The following LUC7L2 variants were observed in gnomAD, a reference collection of about 807,000 sequenced individuals.
LUC7L2 encodes LUC7 like 2, pre-mRNA splicing factor.
A neutral mutation model predicts 52.8 loss-of-function variants in LUC7L2; 25 were observed. The ratio of observed to expected loss-of-function variants is 0.47; its 90% CI spans 0.34 to 0.66. The LOEUF (loss-of-function observed/expected upper bound fraction) is 0.66. LUC7L2 is among the 30% of genes least tolerant of loss of function. The pLI is 0.01. For synonymous variants in LUC7L2, 144 were observed against 160.9 expected (o/e 0.89, Z 0.80); for missense variants, 328 against 497.8 (o/e 0.66, Z 3.25).
chr7:139,392,957 A>G (rs1244234437), intron 2 of LUC7L2, among the ~76,000 whole-genome samples: 1 of 151,708 alleles, frequency 6.6e-6, no homozygotes, highest in Non-Finnish European at 1.5e-5. Flanking sequence ...CCCAGCAACT[A>G]CTTGTTAAAT....
In LUC7L2 at chr7:139,360,321, C is replaced by T. The variant is rs1218798857; in HGVS notation, c.60C>T (p.Asp20=). 2.6e-6 allele frequency: 4 copies of T among 1,565,362 alleles called. No individual in the cohort carries two copies. The highest frequency in any genetic ancestry group is 2.3e-5 in the South Asian group (2 of 85,366). ...ACCAGTTGATGGGCACCTCCCGGGA[C>T]GGTAAGTCTCTGCCAGGGCCCTGGG... ...MLDQLMGTSR[D]GDTTRQRIKF... Residue 20 remains aspartate (D), a splice_region_variant and synonymous_variant, in exon 1 of 10, where the codon GAC becomes GAT. Transcript: ENST00000354926.
chr7:139,413,192 T>G (rs752854339), intron 8 of LUC7L2, among the ~76,000 whole-genome samples: 27 of 152,344 alleles, frequency 1.8e-4, no homozygotes, highest in Middle Eastern at 3.4e-3. Context: ...GTTTGAAACC[T>G]TTCTTTGTAG....
chr7:139,375,109 A>G, intron 1 of LUC7L2: 1 of 984,320 alleles, frequency 1.0e-6, no homozygotes, highest in Non-Finnish European at 1.2e-6. Flanking sequence ...AAGAGGAAAC[A>G]TCCTAATGAG....
chr7:139,388,526 G>C (rs1794303140), intron 2 of LUC7L2, among the ~76,000 whole-genome samples: 1 of 151,852 alleles, frequency 6.6e-6, no homozygotes, highest in African/African-American at 2.4e-5. Context: ...GTGTTCTTGT[G>C]TAATTCGTTA....
At chr7:139,366,628 C>T (rs558391022) in intron 1 of LUC7L2, among the ~76,000 whole-genome samples, 3 of 152,312 alleles carry the variant, frequency 2.0e-5, no homozygotes, top group Admixed American at 6.5e-5. Flanking sequence ...CTTTGGCTTA[C>T]GACAGCAGAG....
chr7:139,400,127 T>C (rs1369481868), intron 3 of LUC7L2, among the ~76,000 whole-genome samples: 1 of 124,596 alleles, frequency 8.0e-6, no homozygotes, highest in African/African-American at 5.0e-5. Flanking sequence ...TTTTTGGTGG[T>C]TTTTGGCCTT....
intron 2 of LUC7L2, among the ~76,000 whole-genome samples, chr7:139,393,105 A>G (rs889230437): frequency 6.6e-6 from 1 of 152,066 alleles, no homozygotes; most frequent in African/African-American, 2.4e-5. Flanking sequence ...CAACTCTACT[A>G]AAAATACAAA....
chr7:139,369,556 C>G (rs1163230310), intron 1 of LUC7L2, among the ~76,000 whole-genome samples: 2 of 152,172 alleles, frequency 1.3e-5, no homozygotes, highest in South Asian at 2.1e-4. Flanking sequence ...TATTCCTGTT[C>G]TCACATTTTC....
chr7:139,396,675 A>C (rs531215881), intron 2 of LUC7L2, among the ~76,000 whole-genome samples: 2 of 152,172 alleles, frequency 1.3e-5, no homozygotes, highest in Admixed American at 6.5e-5. Flanking sequence ...GTGTTAGTAC[A>C]TAGAATGTGT....
At chr7:139,390,102 A>G (rs949507121) in intron 2 of LUC7L2, among the ~76,000 whole-genome samples, 2 of 152,200 alleles carry the variant, frequency 1.3e-5, no homozygotes, top group African/African-American at 2.4e-5. Context: ...GCAGTGAGCT[A>G]TGATTGTGCC....
intron 1 of LUC7L2, chr7:139,345,680 T>C (rs1261381082): frequency 6.2e-7 from 1 of 1,614,174 alleles, no homozygotes; most frequent in Non-Finnish European, 8.5e-7. Flanking sequence ...CCCATCAGCC[T>C]GGAGGGAAGG....
chr7:139,422,994 T>G lies in LUC7L2; in HGVS notation c.*654T>G. ...AAATTTTGAAATCAAACGTCTTGAT[T>G]TTTCTGTTCTGTTGAATTGCTATGT... On this transcript the variant is annotated 3_prime_UTR_variant, in exon 10 of 10. Coordinates refer to ENST00000354926, the MANE Select transcript of LUC7L2 (RefSeq NM_016019.5). 1 of 398,930 alleles carries G rather than the reference T, an allele frequency of 2.5e-6. No individual in the cohort carries two copies. Among genetic ancestry groups the G allele is most frequent in the Non-Finnish European group, 4.4e-6 (1 of 226,052 alleles). 24.7% of individuals were successfully genotyped at this position (398,930 alleles called of 1,614,324 possible). A position where few individuals can be genotyped will look rare whatever the true frequency, so the allele number is the denominator to read the frequency against.
At chr7:139,416,040 AATATAT>A (rs66498771) in intron 8 of LUC7L2, 3,205 of 96,330 alleles carry the variant, frequency 0.033, 134 homozygotes, top group Non-Finnish European at 0.054. Flanking sequence ...TGAGGTATAA[AATATAT>A]ATATATATAT....
At chr7:139,417,998 A>G (rs1446613810) in intron 9 of LUC7L2, among the ~76,000 whole-genome samples, 2 of 152,178 alleles carry the variant, frequency 1.3e-5, no homozygotes, top group African/African-American at 4.8e-5. Context: ...CTTGGAAAAA[A>G]GTTCTTTACA....
intron 1 of LUC7L2, among the ~76,000 whole-genome samples, chr7:139,362,417 A>T (rs891309768): frequency 6.6e-6 from 1 of 152,134 alleles, no homozygotes. Flanking sequence ...ACTTCAAGTT[A>T]CCCAGGGATA....
Position 139,360,323 on chromosome 7 carries a change from G to A in LUC7L2, c.61+1G>A. 6.4e-7 allele frequency: 1 copy of A among 1,564,422 alleles called. No individual in the cohort carries two copies. Among genetic ancestry groups the A allele is most frequent in the Non-Finnish European group, 8.7e-7 (1 of 1,155,190 alleles). ...CAGTTGATGGGCACCTCCCGGGACG[G>A]TAAGTCTCTGCCAGGGCCCTGGGGG... On this transcript the variant is annotated splice_donor_variant, in intron 1 of 9. Coordinates refer to ENST00000354926, the MANE Select transcript of LUC7L2 (RefSeq NM_016019.5). LOFTEE classifies it high-confidence loss of function.
chr7:139,376,720 G>A (rs1800731838), intron 2 of LUC7L2, among the ~76,000 whole-genome samples: 1 of 152,230 alleles, frequency 6.6e-6, no homozygotes, highest in African/African-American at 2.4e-5. Flanking sequence ...ACTGCATGAT[G>A]ATGGACCTGT....
chr7:139,419,755 T>C (rs1342460766), intron 9 of LUC7L2, among the ~76,000 whole-genome samples: 2 of 152,224 alleles, frequency 1.3e-5, no homozygotes, highest in African/African-American at 2.4e-5. Context: ...ACATGATACA[T>C]GATCATATCT....
upstream of LUC7L2, among the ~76,000 whole-genome samples, chr7:139,355,110 G>A (rs571859474): frequency 8.1e-4 from 97 of 119,094 alleles, 1 homozygote; most frequent in East Asian, 0.016. Flanking sequence ...ATTCTCCTGC[G>A]TAGATCTCCC....
Sources: gnomAD v4.1 joint callset for allele counts (sites outside exome capture counted in the v4.1 genomes callset) on GRCh38, gnomAD v4.1.1 for gene constraint, MANE v1.5 for transcripts, NCBI Gene and HGNC (gene_info 2026-07-23, HGNC 2026-07-21) for gene names.